FAM237A: variants seen among roughly 807,000 people sequenced by gnomAD.
FAM237A encodes protein FAM237A.
Under a neutral mutation model 12.5 loss-of-function variants are expected in FAM237A, and 14 were observed. The ratio of observed to expected loss-of-function variants is 1.12; its 90% CI spans 0.74 to 1.75. The LOEUF is 1.75. FAM237A is among the 40% of genes most tolerant of loss of function. FAM237A has a pLI of 0.00. For synonymous variants in FAM237A, 85 were observed against 77.5 expected (o/e 1.10, Z -0.51); for missense variants, 240 against 211.7 (o/e 1.13, Z -0.83).
In FAM237A at chr2:206,644,571, GC is replaced by G. The variant is rs1348460702; in HGVS notation, c.336del (p.Leu113Ter). ...GACTGTGTGCTCTCTAGGAACCATG[GC>G]TTAGGAAGGAGGCAATTGGTTGGAG... ...YVDCVLSRNH[G>X]LGRRQLVGEE... is the part of the protein sequence containing the mutation. On this transcript the variant is annotated frameshift_variant, in exon 2 of 3. Coordinates refer to ENST00000441223, the MANE Select transcript of FAM237A (RefSeq NM_001102659.3). LOFTEE classifies it high-confidence loss of function. 1 of 1,612,870 alleles carries G rather than the reference GC, an allele frequency of 6.2e-7. No homozygotes were observed. The highest frequency in any genetic ancestry group is 8.5e-7 in the Non-Finnish European group (1 of 1,179,574).
intron 2 of FAM237A, among the ~76,000 whole-genome samples, chr2:206,645,404 A>G (rs1699305702): frequency 6.6e-6 from 1 of 152,200 alleles, no homozygotes; most frequent in African/African-American, 2.4e-5. Flanking sequence ...AAGCAGAGAG[A>G]TGCCTGAACC....
At position 206,647,168 on chromosome 2, in the gene FAM237A, G is replaced by A. The variant is rs145857613; in HGVS notation, c.413-1493G>A. 3.9e-5 allele frequency among the ~76,000 whole-genome samples: 6 copies of A among 152,248 alleles called. No homozygotes were observed. In the East Asian group the frequency reaches 7.7e-4, roughly 20 times the overall value. On this transcript the variant is annotated intron_variant, in intron 2 of 2. Transcript: ENST00000441223. ...AAAAATATCAAATAACTGCGTAACC[G>A]TGAGCAAGTTAACTAATTTAGCCAT...
chr2:206,648,627 G>T (rs1309603669), intron 2 of FAM237A, 34 bp from the exon 3 acceptor site: 24 of 1,557,156 alleles, frequency 1.5e-5, no homozygotes, highest in African/African-American at 2.8e-5. Context: ...AACTAATTTG[G>T]TGATCTTATG....
chr2:206,648,720 T>C lies in FAM237A; in HGVS notation c.472T>C (p.Leu158=). ...FLKKKELIED[L]ISMHVRRSGS... ...AAAGAAGAAAGAGTTGATTGAAGATTTGATAAGCATGCATGTGCGTAGGAG... is the reference window on the plus strand; with the variant it reads ...AAAGAAGAAAGAGTTGATTGAAGATCTGATAAGCATGCATGTGCGTAGGAG... Residue 158 remains leucine (L), a synonymous_variant, in exon 3 of 3, where the codon TTG becomes CTG. Transcript: ENST00000441223. The C allele has an allele frequency of 6.3e-7, 1 of 1,584,702 alleles. No homozygotes were observed. Among genetic ancestry groups the C allele is most frequent in the Non-Finnish European group, 8.6e-7 (1 of 1,163,866 alleles).
At chr2:206,644,705 G>C in intron 2 of FAM237A, 57 bp downstream of exon 2, 1 of 1,444,306 alleles carries the variant, frequency 6.9e-7, no homozygotes, top group Non-Finnish European at 9.2e-7. Flanking sequence ...TGAATGTGCT[G>C]AATTGTGAGG....
In FAM237A at chr2:206,644,663, C is replaced by G; in HGVS notation, c.412+15C>G. The stretch of plus-strand genomic sequence containing the variant: ...GAGTAAACAAGGTGGTCAACCCCAG[C>G]TCCCATGTCTTTTGAAAGGGTCAAT... On this transcript the variant is annotated intron_variant, in intron 2 of 2. Transcript: ENST00000441223. The G allele has an allele frequency of 6.5e-7, 1 of 1,531,694 alleles. No individual in the cohort carries two copies. Among genetic ancestry groups the G allele is most frequent in the Non-Finnish European group, 8.7e-7 (1 of 1,144,272 alleles). 94.9% of individuals were successfully genotyped at this position (1,531,694 alleles called of 1,614,324 possible). A position where few individuals can be genotyped will look rare whatever the true frequency, so the allele number is the denominator to read the frequency against.
At chr2:206,645,418 T>A (rs1699305789) in intron 2 of FAM237A, among the ~76,000 whole-genome samples, 1 of 152,214 alleles carries the variant, frequency 6.6e-6, no homozygotes, top group Non-Finnish European at 1.5e-5. Flanking sequence ...CTGAACCCTA[T>A]ACATATTATT....
intron 2 of FAM237A, among the ~76,000 whole-genome samples, chr2:206,646,293 A>G (rs1329071209): frequency 6.8e-6 from 1 of 147,790 alleles, no homozygotes; most frequent in East Asian, 2.0e-4. Context: ...ACAGAGCAAG[A>G]CTCTATCTTA....
At chr2:206,644,201 A>T (rs529763674) in intron 1 of FAM237A, 26 bp from the exon 2 acceptor site, 5 of 1,539,522 alleles carry the variant, frequency 3.2e-6, no homozygotes, top group South Asian at 2.6e-5. Flanking sequence ...GCGGGGACTG[A>T]TAAGAAATAT....
chr2:206,645,798 A>C (rs1281493511), intron 2 of FAM237A, among the ~76,000 whole-genome samples: 1 of 152,236 alleles, frequency 6.6e-6, no homozygotes, highest in Non-Finnish European at 1.5e-5. Context: ...ATTGTAACTC[A>C]AACCAATTTC....
Position 206,644,541 on chromosome 2 carries a change from A to C in FAM237A, c.305A>C (p.Tyr102Ser). 6.2e-7 allele frequency: 1 copy of C among 1,614,032 alleles called. No homozygotes were observed. The highest frequency in any genetic ancestry group is 8.5e-7 in the Non-Finnish European group (1 of 1,179,896). The change falls in exon 2 of 3, where the codon TAT becomes TCT. Residue 102 changes from tyrosine (Y) to serine (S), a missense_variant. Transcript: ENST00000441223. ...WDLAQLFWDIYVDCVLSRNHG... is the reference protein window; with the variant it reads ...WDLAQLFWDISVDCVLSRNHG... ...CTGGCCCAACTCTTCTGGGACATCT[A>C]TGTGGACTGTGTGCTCTCTAGGAAC...
rs147834851 is a variant in FAM237A, at chr2:206,648,073, G to C, written c.413-588G>C. On this transcript the variant is annotated intron_variant, in intron 2 of 2. Coordinates refer to ENST00000441223, the MANE Select transcript of FAM237A (RefSeq NM_001102659.3). ...AACATAAATAGGTTCTCAAATGCTT[G>C]ATTTTCTACTTCACCCACTCCAAGA... is the stretch of plus-strand genomic sequence containing the variant. Among the ~76,000 whole-genome samples, 319 of 152,212 alleles carry C rather than the reference G, an allele frequency of 2.1e-3. 1 individual carries two copies. The highest frequency in any genetic ancestry group is 7.3e-3 in the African/African-American group (303 of 41,538).
At chr2:206,644,033 T>G (rs1699285962) in intron 1 of FAM237A, among the ~76,000 whole-genome samples, 194 bp from the exon 2 acceptor site, 1 of 152,228 alleles carries the variant, frequency 6.6e-6, no homozygotes, top group Non-Finnish European at 1.5e-5. Flanking sequence ...GGATTTATGT[T>G]CACTCCCTGG....
rs1431547113 is a variant in FAM237A, at chr2:206,644,159, CATACTT to C, written c.-10-65_-10-60del. The C allele has an allele frequency of 2.2e-6, 3 of 1,349,342 alleles. No homozygotes were observed. The African/African-American group carries it at 4.4e-5, about 20-fold the overall frequency. The allele number at this position is 1,349,342 out of a possible 1,614,324, so 83.6% of individuals were successfully genotyped here. ...TTGCTGGAAGTAAGGTTATTAAGGGCATACTTATTTTCTTTACTGAGCAGAGCACAA... is the reference window on the plus strand; with the variant it reads ...TTGCTGGAAGTAAGGTTATTAAGGGCATTTTCTTTACTGAGCAGAGCACAA... On this transcript the variant is annotated intron_variant, in intron 1 of 2. Coordinates refer to ENST00000441223, the MANE Select transcript of FAM237A (RefSeq NM_001102659.3).
intron 1 of FAM237A, chr2:206,643,568 C>T (rs1468967196): frequency 6.6e-6 from 1 of 152,012 alleles, no homozygotes; most frequent in African/African-American, 2.4e-5. Flanking sequence ...GATTATAAAA[C>T]ATTATCTTTA....
At chr2:206,645,383 C>G (rs1053150888) in intron 2 of FAM237A, among the ~76,000 whole-genome samples, 4 of 152,094 alleles carry the variant, frequency 2.6e-5, no homozygotes, top group African/African-American at 9.7e-5. Context: ...GTTGAGTAAG[C>G]CTCTGTGAGT....
rs1469581442 is a variant in FAM237A at position 206,642,787 on chromosome 2, CA to C, written c.-11+207del. Among the ~76,000 whole-genome samples the C allele has an allele frequency of 6.6e-6, 1 of 152,210 alleles. No individual in the cohort carries two copies. Among genetic ancestry groups the C allele is most frequent in the Non-Finnish European group, 1.5e-5 (1 of 68,028 alleles). On this transcript the variant is annotated intron_variant, in intron 1 of 2. Coordinates refer to ENST00000441223, the MANE Select transcript of FAM237A (RefSeq NM_001102659.3). This position sits in a 1 kb window ranked among gnomAD's most constrained non-coding sequence, Gnocchi z 5.1. ...AATTTAGAAGGGGACCTAAAGGAGC[CA>C]ATTTGAGCGCCGTGGCGCCAGCAGA... is the stretch of plus-strand genomic sequence containing the variant.
At chr2:206,646,681 A>G (rs1699321080) in intron 2 of FAM237A, among the ~76,000 whole-genome samples, 2 of 152,246 alleles carry the variant, frequency 1.3e-5, no homozygotes, top group African/African-American at 2.4e-5. Flanking sequence ...TTTGGTTTGT[A>G]TAACCACAGT....
intron 1 of FAM237A, among the ~76,000 whole-genome samples, chr2:206,643,209 T>C (rs942810567): frequency 6.6e-6 from 1 of 152,200 alleles, no homozygotes; most frequent in Admixed American, 6.5e-5. Flanking sequence ...GCTTTCATGA[T>C]ACTAACATCT....
Sources: allele counts gnomAD v4.1 joint callset (sites outside exome capture counted in the v4.1 genomes callset), GRCh38; gene constraint gnomAD v4.1.1; non-coding constraint Gnocchi (gnomAD v3.1); transcripts MANE v1.5; gene names NCBI Gene and HGNC (gene_info 2026-07-23, HGNC 2026-07-21).